TDRKH: variants seen among roughly 807,000 people sequenced by gnomAD.
The protein encoded by TDRKH is tudor and KH domain-containing protein.
In TDRKH, 28 loss-of-function variants were observed where a neutral mutation model predicts 61.3. The ratio of observed to expected loss-of-function variants is 0.46; its 90% CI spans 0.34 to 0.63. TDRKH has a LOEUF of 0.63. TDRKH is among the 20% of genes least tolerant of loss of function. The pLI, the probability that TDRKH is intolerant of heterozygous loss-of-function variation, is 0.01. For synonymous variants in TDRKH, 219 were observed against 244.4 expected, an observed-to-expected ratio of 0.90 and a Z score of 0.97; for missense variants, 540 against 683.4, an observed-to-expected ratio of 0.79 and a Z score of 2.34.
chr1:151,767,388 A>C, downstream of TDRKH: 5 of 1,543,552 alleles, frequency 3.2e-6, no homozygotes, highest in Non-Finnish European at 4.4e-6. Flanking sequence ...TGGAAGATGA[A>C]TTACAGAGGT....
chr1:151,783,400 T>C (rs1265503993), intron 1 of TDRKH, among the ~76,000 whole-genome samples: 1 of 152,264 alleles, frequency 6.6e-6, no homozygotes, highest in Non-Finnish European at 1.5e-5. Flanking sequence ...CCTCCAGGGC[T>C]TTCCAGAAGC....
At chr1:151,769,837 C>G (rs1648575920), downstream of TDRKH, among the ~76,000 whole-genome samples, 1 of 152,236 alleles carries the variant, frequency 6.6e-6, no homozygotes, top group East Asian at 1.9e-4. Flanking sequence ...CCTCAGGAGG[C>G]CGAGGCTGGC....
chr1:151,781,326 A>ATATATATATATATATAT (rs1553282714), intron 3 of TDRKH, among the ~76,000 whole-genome samples, 155 bp downstream of exon 3: 2 of 22,308 alleles, frequency 9.0e-5, no homozygotes, highest in Admixed American at 6.5e-4. Flanking sequence ...TCAAAAAAAA[A>ATATATATATATATATAT]AAATATATAT....
rs1173541464 is a variant in TDRKH, at chr1:151,780,043, T to C, written c.329A>G (p.Lys110Arg). 6.8e-6 allele frequency: 11 copies of C among 1,614,094 alleles called. No individual in the cohort carries two copies. The highest frequency in any genetic ancestry group is 5.0e-5 in the Admixed American group (3 of 60,008). ...LISGFPVQVCKAKAAIHQILT... is the reference protein window; with the variant it reads ...LISGFPVQVCRAKAAIHQILT... ...GATCTGATGGATTGCTGCTTTGGCC[T>C]TGCACACCTGAACAGGAAAACCACT... The change falls in exon 4 of 13, where the codon AAG (lysine) becomes AGG (arginine). Residue 110 changes from lysine to arginine, a missense_variant. By Grantham distance (26) the Lys-to-Arg change is conservative. Around this residue, in one of 3 missense-constraint regions of TDRKH, gnomAD observed 156 missense variants for 218.0 expected, o/e 0.72. Coordinates refer to ENST00000368824, the MANE Select transcript of TDRKH (RefSeq NM_001083965.2).
rs1460374821 is a variant in TDRKH, at chr1:151,781,478, T to C, written c.231+3A>G. 1 of 1,612,786 alleles carries C rather than the reference T, an allele frequency of 6.2e-7. No individual in the cohort carries two copies. Among genetic ancestry groups the C allele is most frequent in the East Asian group, 2.2e-5 (1 of 44,850 alleles). Reference sequence around the variant, plus strand: ...AAAGCAGACTGCCTACTCACACACTTACCTGTTTAATATTGGCTCCTTGCC... The same window carrying C: ...AAAGCAGACTGCCTACTCACACACTCACCTGTTTAATATTGGCTCCTTGCC... On this transcript the variant is annotated splice_donor_region_variant and intron_variant, in intron 3 of 12. Transcript: ENST00000368824.
At position 151,776,497 on chromosome 1, in the gene TDRKH, C is replaced by T. The variant is rs375454176; in HGVS notation, c.986G>A (p.Arg329His). The T allele has an allele frequency of 3.1e-6, 5 of 1,614,000 alleles. No homozygotes were observed. Among genetic ancestry groups the T allele is most frequent in the Admixed American group, 1.7e-5 (1 of 59,992 alleles). The change falls in exon 7 of 13, where the codon CGC becomes CAC. Residue 329 changes from arginine (R) to histidine (H), a missense_variant. Transcript: ENST00000368824. ...GACAAGCTTATCCAATTGCAGGCTG[C>T]GGGAGCCAACGATCTGGATCCAGAA... ...NHFWIQIVGS[R>H]SLQLDKLVNE...
chr1:151,786,509 C>A (rs1650329266), intron 1 of TDRKH, among the ~76,000 whole-genome samples: 1 of 152,130 alleles, frequency 6.6e-6, no homozygotes, highest in Admixed American at 6.5e-5. Context: ...CCCATTTAAT[C>A]TTTTTGGACC....
chr1:151,771,825 C>CA, downstream of TDRKH: 2 of 397,770 alleles, frequency 5.0e-6, no homozygotes, highest in Non-Finnish European at 8.9e-6. Flanking sequence ...TACATAGTAA[C>CA]AAACTGCAGG....
intron 1 of TDRKH, among the ~76,000 whole-genome samples, chr1:151,788,973 A>C (rs1650618795): frequency 1.3e-5 from 2 of 152,240 alleles, no homozygotes; most frequent in Non-Finnish European, 2.9e-5. Context: ...TGAAGGCAGC[A>C]ACCGTGGCTG....
downstream of TDRKH, chr1:151,771,112 G>C: frequency 6.2e-7 from 1 of 1,609,712 alleles, no homozygotes; most frequent in Non-Finnish European, 8.5e-7. Context: ...CATGGGCTTT[G>C]AGGTGGTCAG....
In TDRKH at chr1:151,774,191, A is replaced by G. The variant is rs1050240178; in HGVS notation, c.*261T>C. The G allele has an allele frequency of 2.0e-6, 1 of 494,670 alleles. No individual in the cohort carries two copies. The allele number at this position is 494,670 out of a possible 1,614,324, so 30.6% of individuals were successfully genotyped here. On this transcript the variant is annotated 3_prime_UTR_variant, in exon 13 of 13. Coordinates refer to ENST00000368824, the MANE Select transcript of TDRKH (RefSeq NM_001083965.2). ...GGACTGCATGGATCCTTTATCATAC[A>G]CTCCTCTCCTCCATGCACCAATTCC...
intron 7 of TDRKH, 37 bp from the exon 8 acceptor site, chr1:151,776,305 A>C (rs772323824): frequency 1.2e-6 from 2 of 1,606,834 alleles, no homozygotes; most frequent in Admixed American, 3.4e-5. Flanking sequence ...AGAGAGTTAC[A>C]AAGTGGTAGG....
chr1:151,774,957 A>T, intron 11 of TDRKH, 108 bp downstream of exon 11: 2 of 1,365,054 alleles, frequency 1.5e-6, no homozygotes, highest in South Asian at 2.5e-5. Flanking sequence ...CTACTGGAGG[A>T]GCTCAAAGTC....
chr1:151,775,322 G>A, intron 10 of TDRKH, 70 bp downstream of exon 10: 1 of 1,567,196 alleles, frequency 6.4e-7, no homozygotes. Context: ...GGGTTTCTGA[G>A]GAAGAAAAAG....
intron 1 of TDRKH, among the ~76,000 whole-genome samples, chr1:151,784,932 CG>C (rs1558149516): frequency 2.1e-5 from 3 of 145,078 alleles, no homozygotes; most frequent in South Asian, 2.2e-4. Flanking sequence ...AATGGCAATT[CG>C]TTTTTTTTTT....
In TDRKH at chr1:151,782,895, G is replaced by C. The variant is rs116435411; in HGVS notation, c.124+4C>G. 1,094 of 1,601,658 alleles carry C rather than the reference G, an allele frequency of 6.8e-4. 12 individuals carry two copies. The African/African-American group carries it at 0.014, about 20-fold the overall frequency. On this transcript the variant is annotated splice_donor_region_variant and intron_variant, in intron 2 of 12. Transcript: ENST00000368824. ...TCACACACACAGTCATAGGGTTCAC[G>C]TACCTCTGCTTTCCCTATACCTGCG...
chr1:151,781,384 T>C, intron 3 of TDRKH, 97 bp downstream of exon 3: 1 of 759,174 alleles, frequency 1.3e-6, no homozygotes, highest in Non-Finnish European at 2.2e-6. Flanking sequence ...ACACAGAGCA[T>C]GTGAATGTTT....
rs759595846 is a variant in TDRKH at position 151,778,903 on chromosome 1, C to T, written c.665G>A (p.Arg222Lys). 21 of 1,614,084 alleles carry T rather than the reference C, an allele frequency of 1.3e-5. No homozygotes were observed. The highest frequency in any genetic ancestry group is 2.5e-6 in the Non-Finnish European group (3 of 1,180,046). ...TCCACCTGGCTCTGTCATGTCTTCT[C>T]TTCTCACACTGATTGGCTGTTTGCG... ...VPRKQPISVR[R>K]EDMTEPGGAG... The change falls in exon 6 of 13, where the codon AGA (arginine) becomes AAA (lysine). Residue 222 changes from arginine to lysine, a missense_variant. Physicochemically the swap from Arg to Lys is conservative, Grantham distance 26. Around this residue, in one of 3 missense-constraint regions of TDRKH, gnomAD observed 379 missense variants for 443.8 expected, o/e 0.85. Coordinates refer to ENST00000368824, the MANE Select transcript of TDRKH (RefSeq NM_001083965.2).
chr1:151,767,436 C>T (rs1648405143), downstream of TDRKH: 4 of 1,451,976 alleles, frequency 2.8e-6, no homozygotes, highest in Non-Finnish European at 3.6e-6. Context: ...AAGCTACTTG[C>T]TATATAGACA....
Sources: allele counts gnomAD v4.1 joint callset (sites outside exome capture counted in the v4.1 genomes callset), GRCh38; gene constraint gnomAD v4.1.1; regional missense constraint gnomAD v4.1.1; transcripts MANE v1.5; gene names NCBI Gene and HGNC (gene_info 2026-07-23, HGNC 2026-07-21).